Variants in EFTUD2 observed in about 807,000 individuals in gnomAD.
EFTUD2 encodes elongation factor Tu GTP binding domain containing 2.
EFTUD2 carries 9 observed loss-of-function variants against 114.3 expected under a neutral mutation model. The ratio of observed to expected loss-of-function variants is 0.08; its 90% confidence interval spans 0.05 to 0.14. EFTUD2 has a LOEUF of 0.14. Among genes scored for constraint, EFTUD2 ranks in the 10% least tolerant of loss-of-function variants. The pLI, the probability that EFTUD2 is intolerant of heterozygous loss-of-function variation, is 1.00. For synonymous variants in EFTUD2, 449 were observed against 462.3 expected (o/e 0.97, Z 0.37); for missense variants, 765 against 1,241.2 (o/e 0.62, Z 5.76).
intron 2 of EFTUD2, among the ~76,000 whole-genome samples, chr17:44,890,191 T>C (rs1597827398): frequency 1.3e-5 from 2 of 151,624 alleles, no homozygotes; most frequent in South Asian, 4.2e-4. Flanking sequence ...TTTGTATTTT[T>C]GTATTTTTAA....
At chr17:44,861,946 T>G (rs1190231478) in intron 16 of EFTUD2, among the ~76,000 whole-genome samples, 3 of 152,146 alleles carry the variant, frequency 2.0e-5, no homozygotes, top group African/African-American at 7.2e-5. Context: ...GACTGCAGAT[T>G]GGGATGCTAC....
intron 14 of EFTUD2, among the ~76,000 whole-genome samples, chr17:44,864,546 A>G (rs2050711866): frequency 2.0e-5 from 3 of 152,084 alleles, no homozygotes. Context: ...CTGCTGTATC[A>G]CGTGCCTTCT....
intron 4 of EFTUD2, 25 bp downstream of exon 4, chr17:44,885,231 G>A (rs1468727490): frequency 3.0e-5 from 48 of 1,579,946 alleles, no homozygotes; most frequent in Non-Finnish European, 4.2e-5. Context: ...TTCCTGCAGA[G>A]AAGCTGAGAA....
intron 11 of EFTUD2, among the ~76,000 whole-genome samples, chr17:44,871,132 G>A (rs543945677): frequency 1.3e-4 from 20 of 151,906 alleles, no homozygotes; most frequent in East Asian, 7.8e-4. Flanking sequence ...TCAACCTCCC[G>A]GGCTCAAGTG....
At chr17:44,890,352 T>C (rs1240207473) in intron 2 of EFTUD2, among the ~76,000 whole-genome samples, 5 of 150,988 alleles carry the variant, frequency 3.3e-5, no homozygotes, top group African/African-American at 7.3e-5. Flanking sequence ...CTGTCCCCAT[T>C]ACCAAAATCT....
intron 16 of EFTUD2, among the ~76,000 whole-genome samples, chr17:44,862,210 G>A (rs1567735006): frequency 6.6e-6 from 1 of 152,192 alleles, no homozygotes. Context: ...TGAGGTGGGA[G>A]GATCACTTGA....
In EFTUD2 at chr17:44,854,519, A is replaced by G; in HGVS notation, c.2259+37T>C. On this transcript the variant is annotated intron_variant, in intron 22 of 27. Coordinates refer to ENST00000426333, the MANE Select transcript of EFTUD2 (RefSeq NM_004247.4). The surrounding 1 kb of genome is among the most constrained non-coding windows in gnomAD (Gnocchi z 4.3). ...TGTAGTTTCTTCCACTCCAGAGGTA[A>G]GAGACCGCCACCCAGTTCCCATCAG... is the stretch of plus-strand genomic sequence containing the variant. 1 of 1,600,062 alleles carries G rather than the reference A, an allele frequency of 6.2e-7. No individual in the cohort carries two copies. The highest frequency in any genetic ancestry group is 1.1e-5 in the South Asian group (1 of 89,740).
rs557631650 is a variant in EFTUD2, at chr17:44,885,341, G to GAA, written c.272-9_272-8dup. On this transcript the variant is annotated splice_region_variant and splice_polypyrimidine_tract_variant and intron_variant, in intron 3 of 27. Transcript: ENST00000426333. ...ACTGGCTTAATAATGGGTTCTAGAA[G>GAA]AAAAAAAAAAGGTAGTGATGTGTAG... The GAA allele has an allele frequency of 1.9e-5, 28 of 1,457,638 alleles. No homozygotes were observed. Among genetic ancestry groups the GAA allele is most frequent in the African/African-American group, 7.2e-5 (5 of 69,080 alleles). The allele number at this position is 1,457,638 out of a possible 1,614,324, so 90.3% of individuals were successfully genotyped here.
intron 25 of EFTUD2, among the ~76,000 whole-genome samples, chr17:44,852,955 A>ACTGCAAGCTCCACCTCC: frequency 6.6e-6 from 1 of 151,790 alleles, no homozygotes; most frequent in African/African-American, 2.4e-5. Flanking sequence ...ATCTCGGCTC[A>ACTGCAAGCTCCACCTCC]CTGCAAGCTC....
intron 2 of EFTUD2, chr17:44,892,132 A>G (rs970842319): frequency 6.6e-6 from 1 of 152,204 alleles, no homozygotes; most frequent in Non-Finnish European, 1.5e-5. Context: ...TATCCAATAC[A>G]TTAGTTTTAT....
rs183880727 is a variant in EFTUD2, at chr17:44,894,879, C to T, written c.-4-354G>A. Among the ~76,000 whole-genome samples the T allele has an allele frequency of 1.1e-3, 161 of 152,362 alleles. 1 individual carries two copies. Among genetic ancestry groups the T allele is most frequent in the African/African-American group, 3.8e-3 (156 of 41,590 alleles). On this transcript the variant is annotated intron_variant, in intron 1 of 27. Transcript: ENST00000426333. ...CCAAAAGAGGAGGTCCCCCTCCCTC[C>T]ACTTTTTTAATACTAAATTTAATTT...
At chr17:44,885,610 T>C (rs1034492677) in intron 3 of EFTUD2, among the ~76,000 whole-genome samples, 1 of 152,108 alleles carries the variant, frequency 6.6e-6, no homozygotes, top group Non-Finnish European at 1.5e-5. Context: ...TCAATGTCAG[T>C]TCAGGATCTT....
At chr17:44,860,253 C>T (rs138388046) in intron 17 of EFTUD2, 179 bp downstream of exon 17, 2 of 767,712 alleles carry the variant, frequency 2.6e-6, no homozygotes, top group Non-Finnish European at 4.3e-6. Context: ...TAAAAGGCAC[C>T]CGTCCTAATT....
chr17:44,877,034 A>C (rs562483217), intron 9 of EFTUD2, among the ~76,000 whole-genome samples: 1 of 151,896 alleles, frequency 6.6e-6, no homozygotes, highest in African/African-American at 2.4e-5. Flanking sequence ...TCTCTCAAAA[A>C]AATATTTAAA....
At chr17:44,885,483 T>C in intron 3 of EFTUD2, 149 bp from the exon 4 acceptor site, 1 of 647,926 alleles carries the variant, frequency 1.5e-6, no homozygotes, top group East Asian at 2.7e-5. Context: ...TTGAGAAAGT[T>C]TTGGAAATGC....
In EFTUD2 at chr17:44,880,620, G is replaced by A; in HGVS notation, c.553C>T (p.Pro185Ser). 1 of 1,613,632 alleles carries A rather than the reference G, an allele frequency of 6.2e-7. No individual in the cohort carries two copies. The highest frequency in any genetic ancestry group is 8.5e-7 in the Non-Finnish European group (1 of 1,179,634). ...GTGTCTGGCAAGACCACTGTCACAG[G>A]AGTGCTTTTGATGCCTACACCTCTC... ...QERGVGIKST[P>S]VTVVLPDTKG... The change falls in exon 8 of 28, where the codon CCT becomes TCT. Residue 185 changes from proline (P) to serine (S), a missense_variant. Pro to Ser is a moderately conservative substitution (Grantham distance 74). Around this residue, in one of 6 missense-constraint regions of EFTUD2, gnomAD observed 251 missense variants for 357.7 expected, o/e 0.70. Coordinates refer to ENST00000426333, the MANE Select transcript of EFTUD2 (RefSeq NM_004247.4).
At chr17:44,895,322 G>C (rs8069754) in intron 1 of EFTUD2, among the ~76,000 whole-genome samples, 103,012 of 152,056 alleles carry the variant, frequency 0.68, 35,919 homozygotes, top group African/African-American at 0.85. Flanking sequence ...ATGGCAAAAC[G>C]CTGTCTCTAC....
At chr17:44,883,981 A>G in intron 4 of EFTUD2, 1 of 458,638 alleles carries the variant, frequency 2.2e-6, no homozygotes, top group South Asian at 2.4e-5. Flanking sequence ...AAAAAGGAAG[A>G]AGAGGCTGGG....
chr17:44,888,813 T>C (rs1295553068), intron 2 of EFTUD2, among the ~76,000 whole-genome samples: 1 of 151,970 alleles, frequency 6.6e-6, no homozygotes, highest in Non-Finnish European at 1.5e-5. Flanking sequence ...TAGGTGTGAG[T>C]TAACGCCAGG....
Sources: allele counts gnomAD v4.1 joint callset (sites outside exome capture counted in the v4.1 genomes callset), GRCh38; gene constraint gnomAD v4.1.1; regional missense constraint gnomAD v4.1.1; non-coding constraint Gnocchi (gnomAD v3.1); transcripts MANE v1.5; gene names NCBI Gene and HGNC (gene_info 2026-07-23, HGNC 2026-07-21).